Variants in CIPC observed in about 807,000 individuals in gnomAD.
The protein encoded by CIPC is CLOCK interacting pacemaker.
A neutral mutation model predicts 26.7 loss-of-function variants in CIPC; 12 were observed. The observed-to-expected ratio is 0.45, with a 90% CI of 0.29 to 0.73. The LOEUF is 0.73. Among genes scored for constraint, CIPC ranks in the 30% least tolerant of loss-of-function variants. The probability of loss-of-function intolerance (pLI) is 0.12; values close to 1 mark genes in which losing one functional copy is unlikely to be tolerated. For synonymous variants in CIPC, 170 were observed against 189.8 expected, an observed-to-expected ratio of 0.90 and a Z score of 0.86; for missense variants, 417 against 486.5, an observed-to-expected ratio of 0.86 and a Z score of 1.34.
chr14:77,099,878 C>G (rs1056846023), intron 1 of CIPC: 3 of 152,132 alleles, frequency 2.0e-5, no homozygotes, highest in Admixed American at 6.5e-5. Context: ...TATCTGTTTC[C>G]TGCAGGGGAC....
Position 77,105,807 on chromosome 14 carries a change from G to A in CIPC, c.99G>A (p.Met33Ile), listed in dbSNP as rs916432364. The A allele has an allele frequency of 6.2e-7, 1 of 1,614,120 alleles. No individual in the cohort carries two copies. Among genetic ancestry groups the A allele is most frequent in the Non-Finnish European group, 8.5e-7 (1 of 1,179,994 alleles). The change falls in exon 2 of 4, where the codon ATG (methionine) becomes ATA (isoleucine). Residue 33 changes from methionine (M) to isoleucine (I), a missense_variant. Transcript: ENST00000361786. ...AGAAAGTGGCTCGTCAGCTTGGGATGGCTGCTGCTGAGTCAGACAAGGACT... is the reference window on the plus strand; with the variant it reads ...AGAAAGTGGCTCGTCAGCTTGGGATAGCTGCTGCTGAGTCAGACAAGGACT... ...EMKKVARQLG[M>I]AAAESDKDSG...
intron 3 of CIPC, among the ~76,000 whole-genome samples, chr14:77,111,420 C>T (rs977846937): frequency 6.6e-6 from 1 of 152,204 alleles, no homozygotes; most frequent in Non-Finnish European, 1.5e-5. Flanking sequence ...TAAAAACATA[C>T]TAGAATCTAG....
At chr14:77,113,244 A>T in intron 3 of CIPC, 181 bp from the exon 4 acceptor site, 1 of 691,320 alleles carries the variant, frequency 1.4e-6, no homozygotes, top group Non-Finnish European at 2.5e-6. Context: ...CCTTAGAAAA[A>T]GTTTAAAAAG....
chr14:77,110,039 G>C, intron 3 of CIPC, 58 bp downstream of exon 3: 1 of 1,527,198 alleles, frequency 6.5e-7, no homozygotes, highest in African/African-American at 1.4e-5. Flanking sequence ...TAGCTTCCGT[G>C]TATAAAGGAA....
intron 1 of CIPC, among the ~76,000 whole-genome samples, chr14:77,105,144 T>C (rs1038705021): frequency 5.3e-5 from 8 of 152,184 alleles, no homozygotes; most frequent in African/African-American, 1.9e-4. Flanking sequence ...AGCCAAAGGA[T>C]TTAGAGGTTA....
In CIPC at chr14:77,100,243, T is replaced by TC. The variant is rs534685665; in HGVS notation, c.-53+1882_-53+1883insC. On this transcript the variant is annotated intron_variant, in intron 1 of 3. Coordinates refer to ENST00000361786, the MANE Select transcript of CIPC (RefSeq NM_033426.3). ...TATTGATTCACTTTCTTTCTTTCTT[T>TC]TTTTTTTTTTTTTTTTGAGACGGAG... Among the ~76,000 whole-genome samples, 23 of 52,240 alleles carry TC rather than the reference T, an allele frequency of 4.4e-4. No individual in the cohort carries two copies. In the East Asian group the frequency reaches 5.8e-3, roughly 13 times the overall value. The allele number at this position is 52,240 out of a possible 152,430, so 34.3% of individuals were successfully genotyped here.
chr14:77,100,983 T>C (rs895641699), intron 1 of CIPC, among the ~76,000 whole-genome samples: 6 of 152,372 alleles, frequency 3.9e-5, no homozygotes, highest in Admixed American at 1.3e-4. Context: ...CTGACAGTTT[T>C]GGAGCCTAAA....
In CIPC at chr14:77,113,595, T is replaced by G; in HGVS notation, c.477T>G (p.Ser159=). Residue 159 remains serine, a synonymous_variant, in exon 4 of 4, where the codon TCT becomes TCG. Coordinates refer to ENST00000361786, the MANE Select transcript of CIPC (RefSeq NM_033426.3). The part of the protein sequence containing the change: ...DSRNYLPILN[S]YTKIAPHPGK... ...GGAACTACTTGCCCATTCTGAATTC[T>G]TACACCAAAATAGCCCCACATCCAG... 1 of 1,614,226 alleles carries G rather than the reference T, an allele frequency of 6.2e-7. No individual in the cohort carries two copies. Among genetic ancestry groups the G allele is most frequent in the Non-Finnish European group, 8.5e-7 (1 of 1,180,044 alleles).
At chr14:77,098,838 AC>A (rs1295846222) in intron 1 of CIPC, 1 of 152,362 alleles carries the variant, frequency 6.6e-6, no homozygotes, top group African/African-American at 2.4e-5. Context: ...TTTTCCAGAG[AC>A]CTGCCGTCAC....
Position 77,113,861 on chromosome 14 carries a change from G to A in CIPC, c.743G>A (p.Ser248Asn), listed in dbSNP as rs527942341. The A allele has an allele frequency of 2.5e-6, 4 of 1,614,112 alleles. No individual in the cohort carries two copies. The African/African-American group carries it at 4.0e-5, about 16-fold the overall frequency. Residue 248 changes from serine to asparagine, a missense_variant, in exon 4 of 4, where the codon AGC (serine) becomes AAC (asparagine). Transcript: ENST00000361786. ...CCACAGACTCTTCAGCCGGTATCCAGCAGTCACGTGGCTAAAGCTCCCAGT... is the reference window on the plus strand; with the variant it reads ...CCACAGACTCTTCAGCCGGTATCCAACAGTCACGTGGCTAAAGCTCCCAGT... ...GSPQTLQPVS[S>N]SHVAKAPSLT...
chr14:77,105,922 T>C, intron 2 of CIPC, 78 bp downstream of exon 2: 1 of 1,550,160 alleles, frequency 6.5e-7, no homozygotes, highest in East Asian at 2.2e-5. Flanking sequence ...AACTCATTTA[T>C]GTGATAAGGA....
At chr14:77,108,315 C>T (rs1886630977) in intron 2 of CIPC, among the ~76,000 whole-genome samples, 1 of 152,166 alleles carries the variant, frequency 6.6e-6, no homozygotes, top group African/African-American at 2.4e-5. Context: ...AATTGTGTGA[C>T]TATCCTATTC....
intron 2 of CIPC, among the ~76,000 whole-genome samples, chr14:77,106,778 T>C (rs1000989953): frequency 1.3e-5 from 2 of 152,208 alleles, no homozygotes; most frequent in Non-Finnish European, 1.5e-5. Context: ...GGCATGCTGC[T>C]TGAAAAGGCA....
At chr14:77,098,649 G>C (rs1376818118) in intron 1 of CIPC, 2 of 152,386 alleles carry the variant, frequency 1.3e-5, no homozygotes, top group Admixed American at 1.3e-4. Context: ...AGCCCTGGGC[G>C]CAACCGCCAG....
At chr14:77,108,851 C>A (rs1886641674) in intron 2 of CIPC, among the ~76,000 whole-genome samples, 1 of 152,288 alleles carries the variant, frequency 6.6e-6, no homozygotes, top group African/African-American at 2.4e-5. Context: ...CTGTTAAAAT[C>A]ATCATTTCTG....
rs1454242265 is a variant in CIPC at position 77,109,817 on chromosome 14, A to G, written c.142A>G (p.Ser48Gly). 1 of 1,611,730 alleles carries G rather than the reference A, an allele frequency of 6.2e-7. No homozygotes were observed. Among genetic ancestry groups the G allele is most frequent in the Non-Finnish European group, 8.5e-7 (1 of 1,178,144 alleles). The part of the protein sequence containing the change: ...SDKDSGFSDG[S>G]SECLSSAEQM... ...ACCATTCTTCTGCCCACCAGATGGGAGCTCGGAATGTCTGAGCTCTGCAGA... is the reference window on the plus strand; with the variant it reads ...ACCATTCTTCTGCCCACCAGATGGGGGCTCGGAATGTCTGAGCTCTGCAGA... The change falls in exon 3 of 4, where the codon AGC becomes GGC. Residue 48 changes from serine (S) to glycine (G), a missense_variant. Coordinates refer to ENST00000361786, the MANE Select transcript of CIPC (RefSeq NM_033426.3).
rs924002054 is a variant in CIPC, at chr14:77,116,192, T to C, written c.*1874T>C. 2.0e-5 allele frequency: 3 copies of C among 152,214 alleles called. No individual in the cohort carries two copies. Among genetic ancestry groups the C allele is most frequent in the Non-Finnish European group, 4.4e-5 (3 of 68,036 alleles). The allele number at this position is 152,214 out of a possible 1,614,324, so 9.4% of individuals were successfully genotyped here. On this transcript the variant is annotated 3_prime_UTR_variant, in exon 4 of 4. Transcript: ENST00000361786. ...CTAGACTCCACTCATGAACGCAGAA[T>C]TATTACCTGCTGTTTGCTTTCTGAA...
At chr14:77,103,798 A>C (rs1886538885) in intron 1 of CIPC, among the ~76,000 whole-genome samples, 1 of 152,162 alleles carries the variant, frequency 6.6e-6, no homozygotes, top group South Asian at 2.1e-4. Context: ...GATGACCCAC[A>C]GTAACTTCAG....
chr14:77,105,934 G>A (rs1050725579), intron 2 of CIPC, 90 bp downstream of exon 2: 20 of 1,476,282 alleles, frequency 1.4e-5, no homozygotes, highest in Middle Eastern at 2.1e-4. Context: ...TGATAAGGAT[G>A]GGATGCTTTC....
Sources: gnomAD v4.1 joint callset for allele counts (sites outside exome capture counted in the v4.1 genomes callset) on GRCh38, gnomAD v4.1.1 for gene constraint, MANE v1.5 for transcripts, NCBI Gene and HGNC (gene_info 2026-07-23, HGNC 2026-07-21) for gene names.